CFAP119: variants seen among roughly 807,000 people sequenced by gnomAD.
CFAP119 encodes cilia- and flagella-associated protein 119.
the CFAP119 span, chr16:30,761,780 G>A: frequency 2.7e-6 from 4 of 1,496,984 alleles, no homozygotes; most frequent in Non-Finnish European, 3.6e-6. Flanking sequence ...GAGGCGCCCC[G>A]GGCTCCCGCC....
At chr16:30,759,675 G>A in the CFAP119 span, 161 of 1,614,002 alleles carry the variant, frequency 1.0e-4, no homozygotes, top group Non-Finnish European at 1.3e-4. Flanking sequence ...GGCAAAAAAG[G>A]ACACTGGTGA....
the CFAP119 span, chr16:30,759,195 C>A: frequency 6.8e-6 from 11 of 1,612,880 alleles, no homozygotes; most frequent in Non-Finnish European, 9.3e-6. Context: ...ACTCTCTGGC[C>A]ACAGTTTGGG....
the CFAP119 span, chr16:30,759,340 A>C: frequency 3.1e-6 from 5 of 1,613,468 alleles, no homozygotes; most frequent in Non-Finnish European, 4.2e-6. Context: ...ACCACCCCCT[A>C]CCTGGGGTGT....
the CFAP119 span, chr16:30,758,706 C>A: frequency 7.9e-6 from 3 of 381,852 alleles, no homozygotes; most frequent in Admixed American, 4.2e-5. Flanking sequence ...CAAGCGCGCA[C>A]CACCATGCCT....
the CFAP119 span, chr16:30,760,169 C>A: frequency 6.3e-7 from 1 of 1,596,598 alleles, no homozygotes; most frequent in Non-Finnish European, 8.5e-7. Flanking sequence ...GATGATGCTA[C>A]TAATAATGAC....
chr16:30,760,760 G>C, the CFAP119 span: 2 of 1,193,838 alleles, frequency 1.7e-6, no homozygotes, highest in African/African-American at 1.5e-5. Context: ...GTTGGCCACC[G>C]GCGTGAAGCT....
the CFAP119 span, chr16:30,760,654 A>T: frequency 5.2e-6 from 8 of 1,551,988 alleles, no homozygotes; most frequent in Non-Finnish European, 6.1e-6. Context: ...CATGGAATGG[A>T]CGTCCAGGTA....
the CFAP119 span, chr16:30,761,407 G>A: frequency 1.5e-4 from 207 of 1,388,066 alleles, no homozygotes; most frequent in Non-Finnish European, 1.9e-4. Flanking sequence ...GTAACCACCG[G>A]GGTCACACAC....
the CFAP119 span, chr16:30,761,273 G>A: frequency 0.014 from 21,880 of 1,612,800 alleles, 188 homozygotes; most frequent in Non-Finnish European, 0.016. Context: ...GCGGTGTCCT[G>A]GCCCGTAGCG....
chr16:30,757,808 T>C, the CFAP119 span: 2 of 1,418,934 alleles, frequency 1.4e-6, no homozygotes, highest in Non-Finnish European at 1.8e-6. Flanking sequence ...AGCAAGCCCT[T>C]GTGTGAGAGG....
the CFAP119 span, chr16:30,760,590 C>T: frequency 6.4e-7 from 1 of 1,560,196 alleles, no homozygotes. Context: ...CTTCCCACGC[C>T]CCCCTCAGTC....
At chr16:30,760,218 G>A in the CFAP119 span, 1 of 1,612,118 alleles carries the variant, frequency 6.2e-7, no homozygotes, top group Admixed American at 1.7e-5. Flanking sequence ...GCTTCCCATG[G>A]TCACTTGTGC....
chr16:30,761,580 T>TCGC, the CFAP119 span: 150 of 1,536,104 alleles, frequency 9.8e-5, no homozygotes, highest in Non-Finnish European at 1.2e-4. Flanking sequence ...TCATCCGCTT[T>TCGC]CGCCGCCGCC....
the CFAP119 span, chr16:30,760,010 G>T: frequency 6.8e-7 from 1 of 1,473,512 alleles, no homozygotes; most frequent in South Asian, 1.4e-5. Flanking sequence ...TCTGAAGCAA[G>T]AGCTATTAAA....
the CFAP119 span, chr16:30,759,179 C>T: frequency 2.0e-5 from 32 of 1,614,084 alleles, no homozygotes; most frequent in South Asian, 1.1e-4. Context: ...CTCCCTTACC[C>T]GTCTCACTCT....
At chr16:30,762,034 G>A in the CFAP119 span, 1 of 487,522 alleles carries the variant, frequency 2.1e-6, no homozygotes. Context: ...GTGCCCACCT[G>A]GGCGCCCTCT....
the CFAP119 span, chr16:30,757,799 G>T: frequency 7.0e-7 from 1 of 1,422,972 alleles, no homozygotes; most frequent in South Asian, 1.5e-5. Context: ...GGAAATGTTA[G>T]CAAGCCCTTG....
the CFAP119 span, chr16:30,759,694 T>TA: frequency 6.2e-7 from 1 of 1,613,654 alleles, no homozygotes; most frequent in Non-Finnish European, 8.5e-7. Flanking sequence ...GAAGTAGCGG[T>TA]AGCACTCCTC....
chr16:30,760,447 C>CA, the CFAP119 span: 3 of 1,614,094 alleles, frequency 1.9e-6, no homozygotes, highest in Non-Finnish European at 1.7e-6. Flanking sequence ...GCAGCTCAGC[C>CA]AGCACCCTTG....
Sources: gnomAD v4.1 joint callset for allele counts on GRCh38, gnomAD v4.1.1 for gene constraint, MANE v1.5 for transcripts, NCBI Gene and HGNC (gene_info 2026-07-23, HGNC 2026-07-21) for gene names.